Variants in CTNNA3 observed in about 807,000 individuals in gnomAD.
CTNNA3 encodes the protein catenin alpha-3.
Under a neutral mutation model 95.7 loss-of-function variants are expected in CTNNA3, and 76 were observed. That is an observed-to-expected ratio of 0.79 (90% CI 0.66 to 0.96). The LOEUF is 0.96. Ranked by LOEUF, CTNNA3 falls within the 40% of genes least tolerant of loss-of-function variation. The probability of loss-of-function intolerance (pLI) is 0.00; values close to 1 mark genes in which losing one functional copy is unlikely to be tolerated. For missense variants in CTNNA3, 1,191 were observed against 1,089.8 expected, an observed-to-expected ratio of 1.09 and a Z score of -1.31; for synonymous variants, 431 against 374.4, an observed-to-expected ratio of 1.15 and a Z score of -1.74.
At chr10:66,630,684 G>T (rs1845101728) in intron 9 of CTNNA3, among the ~76,000 whole-genome samples, 1 of 152,030 alleles carries the variant, frequency 6.6e-6, no homozygotes, top group African/African-American at 2.4e-5. Flanking sequence ...CCCCATGTTG[G>T]CACCGAATGA....
chr10:66,759,233 G>A (rs1176442806), intron 9 of CTNNA3, among the ~76,000 whole-genome samples: 1 of 152,168 alleles, frequency 6.6e-6, no homozygotes, highest in Non-Finnish European at 1.5e-5. Flanking sequence ...AATGTTTCCT[G>A]AACGATGATG....
At chr10:66,401,341 C>T (rs549373641) in intron 11 of CTNNA3, among the ~76,000 whole-genome samples, 8 of 152,018 alleles carry the variant, frequency 5.3e-5, no homozygotes, top group African/African-American at 9.6e-5. Context: ...GCCTGGCCAA[C>T]GTGGAAAAAC....
At chr10:67,121,638 C>T (rs965424838) in intron 7 of CTNNA3, among the ~76,000 whole-genome samples, 4 of 151,872 alleles carry the variant, frequency 2.6e-5, no homozygotes, top group African/African-American at 4.8e-5. Context: ...CCACAGTACA[C>T]GTAAGTTCCA....
intron 5 of CTNNA3, among the ~76,000 whole-genome samples, chr10:67,268,254 C>A (rs528238854): frequency 6.6e-6 from 1 of 150,838 alleles, no homozygotes; most frequent in Admixed American, 6.6e-5. Context: ...TTGATTGACG[C>A]CAGGAGTTTG....
intron 13 of CTNNA3, among the ~76,000 whole-genome samples, chr10:66,203,933 G>T (rs1471631054): frequency 6.6e-6 from 1 of 151,856 alleles, no homozygotes; most frequent in East Asian, 1.9e-4. Context: ...TTCTAGTAGA[G>T]ACCACGTATT....
chr10:66,122,530 G>T lies in CTNNA3; in HGVS notation c.1885-19281C>A, dbSNP rs193022945. Among the ~76,000 whole-genome samples the T allele has an allele frequency of 7.7e-4, 117 of 152,224 alleles. No individual in the cohort carries two copies. In the Middle Eastern group the frequency reaches 0.014, roughly 18 times the overall value. On this transcript the variant is annotated intron_variant, in intron 13 of 17. Coordinates refer to ENST00000433211, the MANE Select transcript of CTNNA3 (RefSeq NM_013266.4). ...ACGGGATAAATACCAAGAAAGTACA[G>T]CCAAGCATATTATATTCAACTACAG... is the stretch of plus-strand genomic sequence containing the variant.
intron 10 of CTNNA3, among the ~76,000 whole-genome samples, chr10:66,540,054 C>T (rs920451524): frequency 2.6e-5 from 4 of 151,880 alleles, no homozygotes; most frequent in African/African-American, 9.7e-5. Flanking sequence ...TTGTTATCAC[C>T]AAACATTATC....
chr10:67,459,142 CA>C (rs1427106638), intron 5 of CTNNA3, among the ~76,000 whole-genome samples: 2 of 152,166 alleles, frequency 1.3e-5, no homozygotes, highest in African/African-American at 4.8e-5. Flanking sequence ...TATATACCTA[CA>C]ACAGTGCCAT....
At chr10:67,734,164 TTACCATAAC>T (rs1841290463) in intron 1 of CTNNA3, among the ~76,000 whole-genome samples, 1 of 152,160 alleles carries the variant, frequency 6.6e-6, no homozygotes, top group Non-Finnish European at 1.5e-5. Flanking sequence ...GTCAACAAAA[TTACCATAAC>T]TTCTGTTCAA....
intron 9 of CTNNA3, among the ~76,000 whole-genome samples, chr10:66,739,475 C>A (rs558742584): frequency 6.6e-6 from 1 of 152,146 alleles, no homozygotes; most frequent in African/African-American, 2.4e-5. Flanking sequence ...CACAGCTATC[C>A]CACGAGCATG....
intron 3 of CTNNA3, among the ~76,000 whole-genome samples, chr10:67,594,567 G>GT (rs1300071999): frequency 6.6e-6 from 1 of 151,678 alleles, no homozygotes; most frequent in Non-Finnish European, 1.5e-5. Context: ...GTCTCTGAGG[G>GT]TTTTTTATGT....
chr10:66,443,507 G>A (rs1045569966), intron 11 of CTNNA3, among the ~76,000 whole-genome samples: 4 of 152,082 alleles, frequency 2.6e-5, no homozygotes, highest in Non-Finnish European at 4.4e-5. Context: ...ACCAAAATCC[G>A]CTGTTCTACA....
At chr10:66,161,992 G>C (rs2084874745) in intron 13 of CTNNA3, among the ~76,000 whole-genome samples, 1 of 151,870 alleles carries the variant, frequency 6.6e-6, no homozygotes, top group Non-Finnish European at 1.5e-5. Flanking sequence ...CAATTCTATT[G>C]ATGAGACTTT....
At chr10:66,554,823 CCTTT>C (rs1444699913) in intron 10 of CTNNA3, among the ~76,000 whole-genome samples, 1 of 152,044 alleles carries the variant, frequency 6.6e-6, no homozygotes, top group Non-Finnish European at 1.5e-5. Flanking sequence ...CTGTCTTCCT[CCTTT>C]CTTCATTTTT....
intron 10 of CTNNA3, among the ~76,000 whole-genome samples, chr10:66,535,209 C>T (rs1841610639): frequency 6.6e-6 from 1 of 151,642 alleles, no homozygotes. Context: ...AGTTGATAGA[C>T]AAAAATTACC....
At chr10:66,725,466 T>C (rs1428882835) in intron 9 of CTNNA3, among the ~76,000 whole-genome samples, 1 of 152,086 alleles carries the variant, frequency 6.6e-6, no homozygotes, top group East Asian at 1.9e-4. Flanking sequence ...AGACCAGGTA[T>C]CTGATTTTCC....
chr10:66,160,658 G>T (rs2084794817), intron 13 of CTNNA3, among the ~76,000 whole-genome samples: 1 of 152,050 alleles, frequency 6.6e-6, no homozygotes, highest in Non-Finnish European at 1.5e-5. Context: ...GTATTCTGTG[G>T]TTGTGAGATG....
chr10:66,732,644 C>T (rs900126606), intron 9 of CTNNA3, among the ~76,000 whole-genome samples: 14 of 151,982 alleles, frequency 9.2e-5, no homozygotes, highest in Admixed American at 2.6e-4. Context: ...GTCACTATTA[C>T]GAGAACAGGA....
intron 10 of CTNNA3, among the ~76,000 whole-genome samples, chr10:66,574,743 AGTT>A (rs1842958997): frequency 1.3e-5 from 2 of 152,166 alleles, no homozygotes; most frequent in Admixed American, 1.3e-4. Flanking sequence ...TAAGTGTAAC[AGTT>A]TTTTTACTAC....
Sources: allele counts gnomAD v4.1 joint callset (sites outside exome capture counted in the v4.1 genomes callset), GRCh38; gene constraint gnomAD v4.1.1; transcripts MANE v1.5; gene names NCBI Gene and HGNC (gene_info 2026-07-23, HGNC 2026-07-21).